The following NXNL1 variants were observed in gnomAD, a reference collection of about 807,000 sequenced individuals.
NXNL1 encodes the protein nucleoredoxin like 1, also known as nucleoredoxin-like protein 1.
A neutral mutation model predicts 7.2 loss-of-function variants in NXNL1; 6 were observed. The ratio of observed to expected loss-of-function variants is 0.83; its 90% CI spans 0.46 to 1.64. NXNL1 has a LOEUF of 1.64. Among genes scored for constraint, NXNL1 ranks in the 40% most tolerant of loss-of-function variants. NXNL1 has a pLI of 0.01. For synonymous variants in NXNL1, 133 were observed against 127.2 expected (o/e 1.05, Z -0.31); for missense variants, 308 against 285.1 (o/e 1.08, Z -0.58).
Position 17,460,718 on chromosome 19 carries a change from A to C in NXNL1, c.152T>G (p.Val51Gly). The change falls in exon 1 of 2, where the codon GTG (valine) becomes GGG (glycine). Residue 51 changes from valine (V) to glycine (G), a missense_variant. Coordinates refer to ENST00000301944, the MANE Select transcript of NXNL1 (RefSeq NM_138454.2). ...AGACPQCQAF[V>G]PILKDFFVRL... The stretch of plus-strand genomic sequence containing the variant: ...CACGAAGAAGTCCTTGAGGATGGGC[A>C]CGAAGGCCTGGCACTGTGGACAAGC... 1 of 1,613,842 alleles carries C rather than the reference A, an allele frequency of 6.2e-7. No individual in the cohort carries two copies. The highest frequency in any genetic ancestry group is 1.3e-5 in the African/African-American group (1 of 75,062).
chr19:17,456,257 G>A (rs1429065260), intron 1 of NXNL1, among the ~76,000 whole-genome samples: 3 of 151,570 alleles, frequency 2.0e-5, no homozygotes, highest in East Asian at 1.9e-4. Flanking sequence ...ACCTCACATC[G>A]CAAGACACAA....
rs1179249768 is a variant in NXNL1 at position 17,460,490 on chromosome 19, C to A, written c.326+54G>T. The A allele has an allele frequency of 1.5e-5, 23 of 1,568,754 alleles. No homozygotes were observed. The East Asian group carries it at 5.1e-4, about 35-fold the overall frequency. On this transcript the variant is annotated intron_variant, in intron 1 of 1. Transcript: ENST00000301944. ...TTCACTCTAGTTAGAATGGATGCTT[C>A]ACTTTCAGCGAACATGCCCCCTCCT...
At position 17,460,837 on chromosome 19, in the gene NXNL1, G is replaced by C; in HGVS notation, c.33C>G (p.Ile11Met). The C allele has an allele frequency of 6.2e-7, 1 of 1,613,706 alleles. No individual in the cohort carries two copies. Among genetic ancestry groups the C allele is most frequent in the South Asian group, 1.1e-5 (1 of 91,088 alleles). The change falls in exon 1 of 2, where the codon ATC (isoleucine) becomes ATG (methionine). Residue 11 changes from isoleucine (I) to methionine (M), a missense_variant. Ile to Met is a conservative substitution (Grantham distance 10). Coordinates refer to ENST00000301944, the MANE Select transcript of NXNL1 (RefSeq NM_138454.2). ...GCTCGTCCTGGTCGCTATTGTTGCGGATCAGGATGCGGCCAGAGAACAGGG... is the reference window on the plus strand; with the variant it reads ...GCTCGTCCTGGTCGCTATTGTTGCGCATCAGGATGCGGCCAGAGAACAGGG... MASLFSGRIL[I>M]RNNSDQDELD...
At chr19:17,457,485 C>T (rs752206928) in intron 1 of NXNL1, among the ~76,000 whole-genome samples, 4 of 152,016 alleles carry the variant, frequency 2.6e-5, no homozygotes, top group Non-Finnish European at 5.9e-5. Context: ...GATCCTATAG[C>T]GTCAGCCTCC....
intron 1 of NXNL1, among the ~76,000 whole-genome samples, chr19:17,457,260 T>G (rs116374640): frequency 6.8e-4 from 104 of 152,238 alleles, no homozygotes; most frequent in African/African-American, 1.2e-3. Flanking sequence ...ATACACTAGT[T>G]AAATTTGAAT....
At chr19:17,460,350 C>T (rs2075007803) in intron 1 of NXNL1, among the ~76,000 whole-genome samples, 194 bp downstream of exon 1, 1 of 152,074 alleles carries the variant, frequency 6.6e-6, no homozygotes. Flanking sequence ...GCATCTGTTC[C>T]TCTCACTCGG....
chr19:17,460,799 G>A lies in NXNL1; in HGVS notation c.71C>T (p.Ala24Val), dbSNP rs778244006. Reference protein sequence around the residue: ...NSDQDELDTEAEVSRRLENRL... With the variant: ...NSDQDELDTEVEVSRRLENRL... ...GTTCTCCAGCCTGCGACTGACCTCAGCCTCCGTATCCAGCTCGTCCTGGTC... is the reference window on the plus strand; with the variant it reads ...GTTCTCCAGCCTGCGACTGACCTCAACCTCCGTATCCAGCTCGTCCTGGTC... Residue 24 changes from alanine (A) to valine (V), a missense_variant, in exon 1 of 2, where the codon GCT becomes GTT. Transcript: ENST00000301944. 1.2e-6 allele frequency: 2 copies of A among 1,613,838 alleles called. No homozygotes were observed. The highest frequency in any genetic ancestry group is 1.7e-6 in the Non-Finnish European group (2 of 1,180,042).
chr19:17,455,672 T>TCCCCC lies in NXNL1; in HGVS notation c.613_614insGGGGG (p.Glu205GlyfsTer61). 2.4e-6 allele frequency: 1 copy of TCCCCC among 419,172 alleles called. No homozygotes were observed. The highest frequency in any genetic ancestry group is 3.4e-6 in the Non-Finnish European group (1 of 297,114). The allele number at this position is 419,172 out of a possible 1,614,324, so 26.0% of individuals were successfully genotyped here. A position where few individuals can be genotyped will look rare whatever the true frequency, so the allele number is the denominator to read the frequency against. On this transcript the variant is annotated frameshift_variant, in exon 2 of 2. Coordinates refer to ENST00000301944, the MANE Select transcript of NXNL1 (RefSeq NM_138454.2). LOFTEE classifies it high-confidence loss of function. ...TCAGAACAGCCCCCCGGCCCCGCCCTCCTCCCCACCCCCTCCCCCGGGGTC... is the reference window on the plus strand; with the variant it reads ...TCAGAACAGCCCCCCGGCCCCGCCCTCCCCCCCTCCCCACCCCCTCCCCCGGGGTC...
At chr19:17,456,579 G>C (rs1433546442) in intron 1 of NXNL1, among the ~76,000 whole-genome samples, 1 of 152,004 alleles carries the variant, frequency 6.6e-6, no homozygotes, top group Non-Finnish European at 1.5e-5. Flanking sequence ...ATCATGTATG[G>C]TTTTTAAAAT....
intron 1 of NXNL1, 57 bp from the exon 2 acceptor site, chr19:17,456,016 A>G (rs2074992150): frequency 3.1e-6 from 5 of 1,591,914 alleles, no homozygotes; most frequent in Admixed American, 1.7e-5. Flanking sequence ...TGAACCAGAG[A>G]GCCCCACATC....
rs371085748 is a variant in NXNL1, at chr19:17,455,956, G to A, written c.330C>T (p.Asp110=). 760 of 1,597,672 alleles carry A rather than the reference G, an allele frequency of 4.8e-4. 10 individuals are homozygous for A. The South Asian group carries it at 7.8e-3, about 16-fold the overall frequency. ...GCTCCACTGAGAACTGGCGCCCGAG[G>A]TCCCTGCGGAGCGGGCAGGTCAGTC... ...FLPFEDDLRR[D]LGRQFSVERL... is the part of the protein sequence containing the mutation. The change falls in exon 2 of 2, where the codon GAC becomes GAT. Residue 110 remains aspartate, a synonymous_variant. Coordinates refer to ENST00000301944, the MANE Select transcript of NXNL1 (RefSeq NM_138454.2).
chr19:17,458,220 C>CTTTTTTTTTTTTTTTTTTTTTT (rs756873224), intron 1 of NXNL1, among the ~76,000 whole-genome samples: 10 of 122,184 alleles, frequency 8.2e-5, no homozygotes, highest in Non-Finnish European at 1.2e-4. Context: ...TTCTTTCTTT[C>CTTTTTTTTTTTTTTTTTTTTTT]TTTTTTTTTT....
rs140823542 is a variant in NXNL1 at position 17,460,846 on chromosome 19, G to T, written c.24C>A (p.Arg8=). 3.1e-4 allele frequency: 507 copies of T among 1,613,598 alleles called. 1 individual carries two copies. The African/African-American group carries it at 4.9e-3, about 16-fold the overall frequency. MASLFSG[R]ILIRNNSDQD... ...GGTCGCTATTGTTGCGGATCAGGAT[G>T]CGGCCAGAGAACAGGGAGGCCATGG... The change falls in exon 1 of 2, where the codon CGC becomes CGA. Residue 8 remains arginine, a synonymous_variant. Coordinates refer to ENST00000301944, the MANE Select transcript of NXNL1 (RefSeq NM_138454.2).
intron 1 of NXNL1, 58 bp from the exon 2 acceptor site, chr19:17,456,017 G>T: frequency 1.3e-6 from 2 of 1,591,478 alleles, no homozygotes; most frequent in East Asian, 2.2e-5. Flanking sequence ...GAACCAGAGA[G>T]CCCCACATCC....
intron 1 of NXNL1, among the ~76,000 whole-genome samples, chr19:17,456,822 A>C (rs1004593461): frequency 6.6e-6 from 1 of 152,108 alleles, no homozygotes; most frequent in African/African-American, 2.4e-5. Flanking sequence ...GTAATTAAAA[A>C]TATAAGACAC....
At position 17,458,313 on chromosome 19, in the gene NXNL1, G is replaced by A. The variant is rs553988138; in HGVS notation, c.326+2231C>T. ...CGGGTCACTGCAAGCTCCACCTCCC[G>A]GGTTCACACCATTCTCTTGCCTCAG... On this transcript the variant is annotated intron_variant, in intron 1 of 1. Transcript: ENST00000301944. Among the ~76,000 whole-genome samples the A allele has an allele frequency of 6.2e-5, 9 of 145,218 alleles. No individual in the cohort carries two copies. In the East Asian group the frequency reaches 1.0e-3, roughly 17 times the overall value.
chr19:17,456,020 C>A, intron 1 of NXNL1, 61 bp from the exon 2 acceptor site: 1 of 1,589,566 alleles, frequency 6.3e-7, no homozygotes, highest in South Asian at 1.1e-5. Flanking sequence ...CCAGAGAGCC[C>A]CACATCCCTC....
Position 17,455,691 on chromosome 19 carries a change from C to CCCCCG in NXNL1, c.594_595insCGGGG (p.Gly199ArgfsTer67). The stretch of plus-strand genomic sequence containing the variant: ...CCGCCCTCCTCCCCACCCCCTCCCC[C>CCCCCG]GGGGTCGCGCCCGCCTCGCGCCGCC... On this transcript the variant is annotated frameshift_variant, in exon 2 of 2. Coordinates refer to ENST00000301944, the MANE Select transcript of NXNL1 (RefSeq NM_138454.2). LOFTEE classifies it low-confidence loss of function (END_TRUNC). 5 of 1,513,640 alleles carry CCCCCG rather than the reference C, an allele frequency of 3.3e-6. No homozygotes were observed. The highest frequency in any genetic ancestry group is 3.5e-6 in the Non-Finnish European group (4 of 1,130,238). 93.8% of individuals were successfully genotyped at this position (1,513,640 alleles called of 1,614,324 possible). A position where few individuals can be genotyped will look rare whatever the true frequency, so the allele number is the denominator to read the frequency against.
Position 17,455,678 on chromosome 19 carries a change from C to A in NXNL1, c.608G>T (p.Gly203Val). Reference protein sequence around the residue: ...RGGRDPGGGGGEEGGAGGLF With the variant: ...RGGRDPGGGGVEEGGAGGLF ...CAGCCCCCCGGCCCCGCCCTCCTCC[C>A]CACCCCCTCCCCCGGGGTCGCGCCC... Residue 203 changes from glycine to valine, a missense_variant, in exon 2 of 2, where the codon GGG becomes GTG. Gly to Val is a moderately radical substitution (Grantham distance 109). Transcript: ENST00000301944. The A allele has an allele frequency of 1.8e-5, 26 of 1,430,744 alleles. No homozygotes were observed. Among genetic ancestry groups the A allele is most frequent in the Non-Finnish European group, 2.1e-5 (22 of 1,057,218 alleles). 88.6% of individuals were successfully genotyped at this position (1,430,744 alleles called of 1,614,324 possible).
Sources: allele counts gnomAD v4.1 joint callset (sites outside exome capture counted in the v4.1 genomes callset), GRCh38; gene constraint gnomAD v4.1.1; transcripts MANE v1.5; gene names NCBI Gene and HGNC (gene_info 2026-07-23, HGNC 2026-07-21).